Variants in TMED8 observed in about 807,000 individuals in gnomAD.
TMED8 encodes transmembrane p24 trafficking protein family member 8.
Under a neutral mutation model 32.7 loss-of-function variants are expected in TMED8, and 15 were observed. The observed-to-expected ratio is 0.46, with a 90% CI of 0.31 to 0.71. The LOEUF is 0.71. Ranked by LOEUF, TMED8 falls within the 30% of genes least tolerant of loss-of-function variation. The probability of loss-of-function intolerance (pLI) is 0.06; values close to 1 mark genes in which losing one functional copy is unlikely to be tolerated. For synonymous variants in TMED8, 147 were observed against 161.4 expected, an observed-to-expected ratio of 0.91 and a Z score of 0.68; for missense variants, 390 against 423.9, an observed-to-expected ratio of 0.92 and a Z score of 0.70.
intron 1 of TMED8, among the ~76,000 whole-genome samples, chr14:77,357,172 C>T (rs1893309144): frequency 6.6e-6 from 1 of 152,154 alleles, no homozygotes; most frequent in Non-Finnish European, 1.5e-5. Context: ...AGAGGCTTGA[C>T]TCAATTCAGG....
In TMED8 at chr14:77,346,334, G is replaced by C; in HGVS notation, c.327+15C>G. 1 of 1,613,372 alleles carries C rather than the reference G, an allele frequency of 6.2e-7. No individual in the cohort carries two copies. Among genetic ancestry groups the C allele is most frequent in the Non-Finnish European group, 8.5e-7 (1 of 1,179,586 alleles). On this transcript the variant is annotated intron_variant, in intron 3 of 5. Coordinates refer to ENST00000216468, the MANE Select transcript of TMED8 (RefSeq NM_213601.3). ...TGCCTCCTTTCATAAGAAAGAGCCAGAATCTGCCCCCTACCTCATTGAGGA... is the reference window on the plus strand; with the variant it reads ...TGCCTCCTTTCATAAGAAAGAGCCACAATCTGCCCCCTACCTCATTGAGGA...
intron 1 of TMED8, among the ~76,000 whole-genome samples, chr14:77,370,345 CAGT>C (rs1354794150): frequency 6.6e-6 from 1 of 151,938 alleles, no homozygotes; most frequent in African/African-American, 2.4e-5. Flanking sequence ...TAATGAAAGA[CAGT>C]AGTGGATTTA....
At chr14:77,371,221 C>T (rs1327700937) in intron 1 of TMED8, among the ~76,000 whole-genome samples, 1 of 152,116 alleles carries the variant, frequency 6.6e-6, no homozygotes, top group East Asian at 1.9e-4. Flanking sequence ...TATTGTAATT[C>T]TGATGGATAT....
Position 77,376,907 on chromosome 14 carries a change from C to A in TMED8, c.118+29G>T. ...GCGGGGCCCTGAGGCCGGGCGGCAC[C>A]CACCCGCCAGCGCCCCGGCCTTGCG... On this transcript the variant is annotated intron_variant, in intron 1 of 5. Coordinates refer to ENST00000216468, the MANE Select transcript of TMED8 (RefSeq NM_213601.3). This position sits in a 1 kb window ranked among gnomAD's most constrained non-coding sequence, Gnocchi z 4.0. 1.5e-6 allele frequency: 2 copies of A among 1,344,214 alleles called. No homozygotes were observed. Among genetic ancestry groups the A allele is most frequent in the East Asian group, 3.1e-5 (1 of 32,126 alleles). The allele number at this position is 1,344,214 out of a possible 1,614,324, so 83.3% of individuals were successfully genotyped here.
intron 1 of TMED8, among the ~76,000 whole-genome samples, chr14:77,367,463 A>T (rs1440487718): frequency 2.0e-5 from 3 of 151,920 alleles, no homozygotes; most frequent in African/African-American, 4.8e-5. Flanking sequence ...CACTATCCCA[A>T]CTATGGACAT....
chr14:77,369,220 G>C (rs1223420186), intron 1 of TMED8, among the ~76,000 whole-genome samples: 2 of 152,138 alleles, frequency 1.3e-5, no homozygotes, highest in East Asian at 3.8e-4. Context: ...ATGTTTCTAA[G>C]CTTTTGATTC....
At chr14:77,346,866 T>G (rs1243001017) in intron 2 of TMED8, among the ~76,000 whole-genome samples, 1 of 151,794 alleles carries the variant, frequency 6.6e-6, no homozygotes, top group African/African-American at 2.4e-5. Flanking sequence ...TTTTGATATA[T>G]GTACACATTG....
At position 77,335,717 on chromosome 14, in the gene TMED8, CCGTTA is replaced by C. The variant is rs1270478493; in HGVS notation, c.*6049_*6053del. ...TCTTCTGGGAATTTCAAAACACTTC[CCGTTA>C]CGTTAAGGGAAAATGGGTACACCAG... On this transcript the variant is annotated 3_prime_UTR_variant, in exon 6 of 6. Transcript: ENST00000216468. The C allele has an allele frequency of 3.3e-5, 5 of 152,150 alleles. No homozygotes were observed. The highest frequency in any genetic ancestry group is 5.9e-5 in the Non-Finnish European group (4 of 68,014). 9.4% of individuals were successfully genotyped at this position (152,150 alleles called of 1,614,324 possible).
chr14:77,371,376 T>C (rs758866902), intron 1 of TMED8, among the ~76,000 whole-genome samples: 6 of 152,226 alleles, frequency 3.9e-5, no homozygotes, highest in Non-Finnish European at 7.3e-5. Context: ...TATTATGATT[T>C]AGGTTGAGCA....
intron 1 of TMED8, among the ~76,000 whole-genome samples, chr14:77,352,742 T>TA (rs560092603): frequency 1.3e-5 from 2 of 151,934 alleles, no homozygotes; most frequent in East Asian, 3.9e-4. Context: ...CCAACTCAAT[T>TA]AAAAAAAATT....
chr14:77,348,276 T>A (rs917326636), intron 2 of TMED8, among the ~76,000 whole-genome samples: 31 of 151,466 alleles, frequency 2.0e-4, no homozygotes, highest in Non-Finnish European at 3.7e-4. Flanking sequence ...CAGGCTGGAG[T>A]GCAGTGGCGC....
intron 1 of TMED8, among the ~76,000 whole-genome samples, chr14:77,357,709 T>C (rs1426669271): frequency 6.6e-6 from 1 of 152,244 alleles, no homozygotes; most frequent in Non-Finnish European, 1.5e-5. Context: ...TGTGTCCTTT[T>C]AAGATGACAC....
At chr14:77,373,495 G>C (rs1362632885) in intron 1 of TMED8, among the ~76,000 whole-genome samples, 1 of 152,130 alleles carries the variant, frequency 6.6e-6, no homozygotes, top group Admixed American at 6.5e-5. Context: ...CCACTGGAGA[G>C]CTTAGTTCAT....
intron 1 of TMED8, among the ~76,000 whole-genome samples, chr14:77,355,922 C>T (rs1566689279): frequency 6.6e-6 from 1 of 152,156 alleles, no homozygotes; most frequent in Non-Finnish European, 1.5e-5. Flanking sequence ...AGGAGCTGAG[C>T]CTGCCTTTTG....
In TMED8 at chr14:77,335,991, A is replaced by G. The variant is rs1233847313; in HGVS notation, c.*5780T>C. On this transcript the variant is annotated 3_prime_UTR_variant, in exon 6 of 6. Transcript: ENST00000216468. The stretch of plus-strand genomic sequence containing the variant: ...TCCTAAGAATCAACAATAACAATCA[A>G]TAGCAAGGAACATTACACATTCAAC... 1 of 152,230 alleles carries G rather than the reference A, an allele frequency of 6.6e-6. No individual in the cohort carries two copies. The highest frequency in any genetic ancestry group is 6.5e-5 in the Admixed American group (1 of 15,286). The allele number at this position is 152,230 out of a possible 1,614,324, so 9.4% of individuals were successfully genotyped here.
intron 1 of TMED8, among the ~76,000 whole-genome samples, chr14:77,369,129 A>G (rs1893622417): frequency 6.6e-6 from 1 of 152,060 alleles, no homozygotes; most frequent in African/African-American, 2.4e-5. Context: ...AGAATATTCA[A>G]TTGTCCCAGA....
intron 1 of TMED8, among the ~76,000 whole-genome samples, chr14:77,363,430 A>G (rs567609146): frequency 6.6e-6 from 1 of 152,324 alleles, no homozygotes; most frequent in African/African-American, 2.4e-5. Context: ...AATATAACAT[A>G]CTAAAACCTA....
At chr14:77,357,934 G>T (rs933435137) in intron 1 of TMED8, among the ~76,000 whole-genome samples, 4 of 151,920 alleles carry the variant, frequency 2.6e-5, no homozygotes, top group Non-Finnish European at 4.4e-5. Context: ...GACCAGCCTG[G>T]CCAACATGGT....
intron 3 of TMED8, 101 bp downstream of exon 3, chr14:77,346,248 C>T (rs1195740104): frequency 6.3e-6 from 8 of 1,271,526 alleles, no homozygotes; most frequent in African/African-American, 3.0e-5. Context: ...GAGAGAATTC[C>T]GGGAGCCACC....
Sources: gnomAD v4.1 joint callset for allele counts (sites outside exome capture counted in the v4.1 genomes callset) on GRCh38, gnomAD v4.1.1 for gene constraint, Gnocchi (gnomAD v3.1) non-coding constraint, MANE v1.5 for transcripts, NCBI Gene and HGNC (gene_info 2026-07-23, HGNC 2026-07-21) for gene names.